The following DENND2A variants were observed in gnomAD, a reference collection of about 807,000 sequenced individuals.
DENND2A encodes DENN domain-containing protein 2A.
DENND2A carries 53 observed loss-of-function variants against 105.3 expected under a neutral mutation model. The ratio of observed to expected loss-of-function variants is 0.50; its 90% CI spans 0.40 to 0.63. DENND2A has a LOEUF of 0.63. DENND2A is among the 30% of genes least tolerant of loss of function. The pLI is 0.00. For missense variants in DENND2A, 1,138 were observed against 1,279.6 expected (o/e 0.89, Z 1.69); for synonymous variants, 522 against 508.4 (o/e 1.03, Z -0.36).
chr7:140,547,404 T>C (rs1432922949), intron 12 of DENND2A, among the ~76,000 whole-genome samples: 1 of 152,314 alleles, frequency 6.6e-6, no homozygotes, highest in African/African-American at 2.4e-5. Flanking sequence ...ATAGCCATCA[T>C]GAAAATACAA....
At chr7:140,623,351 A>G (rs1313220005) in intron 1 of DENND2A, among the ~76,000 whole-genome samples, 1 of 147,560 alleles carries the variant, frequency 6.8e-6, no homozygotes, top group Non-Finnish European at 1.5e-5. Context: ...TTTCCCTCCC[A>G]GAGGAGACTG....
intron 4 of DENND2A, among the ~76,000 whole-genome samples, chr7:140,586,008 G>A (rs1160842436): frequency 6.6e-6 from 1 of 152,098 alleles, no homozygotes; most frequent in Non-Finnish European, 1.5e-5. Context: ...CATATTCTAA[G>A]CCTAAGTGAT....
chr7:140,636,688 T>C (rs1370127790), intron 1 of DENND2A, among the ~76,000 whole-genome samples: 4 of 145,622 alleles, frequency 2.7e-5, no homozygotes, highest in Non-Finnish European at 1.5e-5. Flanking sequence ...CCCAGCCTTT[T>C]TTTTTTTTTT....
At chr7:140,529,955 A>AAAC (rs968273977) in intron 14 of DENND2A, among the ~76,000 whole-genome samples, 8 of 152,052 alleles carry the variant, frequency 5.3e-5, no homozygotes, top group Admixed American at 3.3e-4. Context: ...AAACAAAACA[A>AAAC]AACAACAACA....
intron 1 of DENND2A, among the ~76,000 whole-genome samples, chr7:140,621,182 C>T (rs906389728): frequency 6.6e-6 from 1 of 152,064 alleles, no homozygotes; most frequent in African/African-American, 2.4e-5. Context: ...GTGTGAGCCA[C>T]TAGGCTCAGC....
intron 1 of DENND2A, among the ~76,000 whole-genome samples, chr7:140,630,432 G>A (rs1471265164): frequency 6.6e-6 from 1 of 152,078 alleles, no homozygotes; most frequent in African/African-American, 2.4e-5. Flanking sequence ...CGAGACTTTG[G>A]TCTACTGTGA....
At position 140,555,490 on chromosome 7, in the gene DENND2A, G is replaced by C. The variant is rs1214949555; in HGVS notation, c.2037+146C>G. On this transcript the variant is annotated intron_variant, in intron 12 of 19. Coordinates refer to ENST00000496613, the MANE Select transcript of DENND2A (RefSeq NM_015689.5). ...GAACCAATGGTGAGAGAATAGAGGG[G>C]TGATGAGGAGAGGAGTGAAGAAATG... 6 of 703,658 alleles carry C rather than the reference G, an allele frequency of 8.5e-6. No homozygotes were observed. In the East Asian group the frequency reaches 1.4e-4, roughly 17 times the overall value. 43.6% of individuals were successfully genotyped at this position (703,658 alleles called of 1,614,324 possible).
intron 9 of DENND2A, among the ~76,000 whole-genome samples, chr7:140,560,432 G>A (rs1473032019): frequency 6.6e-6 from 1 of 152,106 alleles, no homozygotes; most frequent in Non-Finnish European, 1.5e-5. Flanking sequence ...GAAGAAAAAT[G>A]ATCTTAATCT....
chr7:140,615,692 C>T (rs909522206), intron 1 of DENND2A, among the ~76,000 whole-genome samples: 10 of 151,594 alleles, frequency 6.6e-5, no homozygotes, highest in African/African-American at 2.4e-4. Flanking sequence ...AGCGCACCAC[C>T]CTGTCCGGCT....
intron 1 of DENND2A, among the ~76,000 whole-genome samples, chr7:140,629,850 TTC>T (rs1218972774): frequency 6.6e-6 from 1 of 151,490 alleles, no homozygotes; most frequent in Non-Finnish European, 1.5e-5. Context: ...TTATGTTTCT[TTC>T]TCTCTCTTTT....
rs371547503 is a variant in DENND2A, at chr7:140,523,325, G to A, written c.2647C>T (p.Pro883Ser). Residue 883 changes from proline to serine, a missense_variant, in exon 17 of 20, where the codon CCC becomes TCC. Around this residue, in one of 2 missense-constraint regions of DENND2A, gnomAD observed 627 missense variants for 779.8 expected, o/e 0.80. Transcript: ENST00000496613. This position sits in a 1 kb window ranked among gnomAD's most constrained non-coding sequence, Gnocchi z 4.5. Reference sequence around the variant, plus strand: ...CACTTACCGTGCCTGCCGTCTAGGGGCCCTTCGTCCTGCTCACAAGCCAGC... The same window carrying A: ...CACTTACCGTGCCTGCCGTCTAGGGACCCTTCGTCCTGCTCACAAGCCAGC... Reference protein sequence around the residue: ...NELACEQDEGPLDGRHGPESS... With the variant: ...NELACEQDEGSLDGRHGPESS... 17 of 1,614,060 alleles carry A rather than the reference G, an allele frequency of 1.1e-5. No homozygotes were observed. The South Asian group carries it at 1.1e-4, about 10-fold the overall frequency.
chr7:140,523,419 G>T lies in DENND2A; in HGVS notation c.2553C>A (p.Asp851Glu). ...TCCGGGGCAGGATGGAGTCCTCATC[G>T]TCCATCTGGAAAGCAGAGGTAGCAG... Reference protein sequence around the residue: ...LVNSRFLRQMDDEDSILPRKL... With the variant: ...LVNSRFLRQMEDEDSILPRKL... The change falls in exon 17 of 20, where the codon GAC (aspartate) becomes GAA (glutamate). Residue 851 changes from aspartate (D) to glutamate (E), a missense_variant. By Grantham distance (45) the Asp-to-Glu change is conservative. Around this residue, in one of 2 missense-constraint regions of DENND2A, gnomAD observed 627 missense variants for 779.8 expected, o/e 0.80. Transcript: ENST00000496613. The surrounding 1 kb of genome is among the most constrained non-coding windows in gnomAD (Gnocchi z 4.5). The T allele has an allele frequency of 1.2e-6, 2 of 1,614,058 alleles. No individual in the cohort carries two copies. The highest frequency in any genetic ancestry group is 1.7e-6 in the Non-Finnish European group (2 of 1,179,970).
At chr7:140,576,256 T>A (rs1435147188) in intron 5 of DENND2A, among the ~76,000 whole-genome samples, 1 of 151,188 alleles carries the variant, frequency 6.6e-6, no homozygotes, top group Non-Finnish European at 1.5e-5. Context: ...ATTTTAGTTA[T>A]AATAACTTTT....
chr7:140,525,430 C>G (rs1447049838), intron 16 of DENND2A, among the ~76,000 whole-genome samples: 3 of 152,146 alleles, frequency 2.0e-5, no homozygotes, highest in African/African-American at 7.2e-5. Flanking sequence ...GCTGGGATTA[C>G]AGGTGTAAGC....
At chr7:140,633,572 T>C (rs960366871) in intron 1 of DENND2A, among the ~76,000 whole-genome samples, 12 of 152,200 alleles carry the variant, frequency 7.9e-5, no homozygotes, top group Non-Finnish European at 1.3e-4. Flanking sequence ...CATTATTGCA[T>C]CTTCTCTGCT....
At chr7:140,530,215 C>A (rs1258577540) in intron 14 of DENND2A, among the ~76,000 whole-genome samples, 1 of 151,986 alleles carries the variant, frequency 6.6e-6, no homozygotes, top group East Asian at 1.9e-4. Context: ...CAGAGGGAGA[C>A]CCTGTCTCAA....
chr7:140,592,245 C>A (rs374647767), intron 3 of DENND2A, among the ~76,000 whole-genome samples: 1 of 148,688 alleles, frequency 6.7e-6, no homozygotes, highest in Non-Finnish European at 1.5e-5. Flanking sequence ...CTCGCTCTGT[C>A]GCCCAGACTG....
intron 1 of DENND2A, among the ~76,000 whole-genome samples, chr7:140,627,628 C>G (rs1800582167): frequency 6.6e-6 from 1 of 151,802 alleles, no homozygotes; most frequent in South Asian, 2.1e-4. Flanking sequence ...CTCAAGCAGT[C>G]CTCCTGCCTC....
chr7:140,612,830 G>A (rs951616961), intron 1 of DENND2A, among the ~76,000 whole-genome samples: 1 of 151,606 alleles, frequency 6.6e-6, no homozygotes, highest in Admixed American at 6.6e-5. Context: ...AAATAAGGTT[G>A]AGGGCCGGGC....
Sources: gnomAD v4.1 joint callset for allele counts (sites outside exome capture counted in the v4.1 genomes callset) on GRCh38, gnomAD v4.1.1 for gene constraint, gnomAD v4.1.1 regional missense constraint, Gnocchi (gnomAD v3.1) non-coding constraint, MANE v1.5 for transcripts, NCBI Gene and HGNC (gene_info 2026-07-23, HGNC 2026-07-21) for gene names.